Variants in CEP41 observed in about 807,000 individuals in gnomAD.
CEP41 encodes the protein centrosomal protein of 41 kDa.
In CEP41, 32 loss-of-function variants were observed where a neutral mutation model predicts 44.3. The observed-to-expected ratio is 0.72, with a 90% CI of 0.54 to 0.97. CEP41 has a LOEUF of 0.97. Among genes scored for constraint, CEP41 ranks in the 50% least tolerant of loss-of-function variants. CEP41 has a pLI of 0.00. For synonymous variants in CEP41, 151 were observed against 168.5 expected (o/e 0.90, Z 0.80); for missense variants, 432 against 455.2 (o/e 0.95, Z 0.46).
intron 2 of CEP41, chr7:130,419,337 C>A: frequency 2.0e-6 from 2 of 985,366 alleles, no homozygotes; most frequent in Non-Finnish European, 2.4e-6. Flanking sequence ...GGATGGCTGA[C>A]ACAAAAATAC....
At chr7:130,401,761 T>A in intron 8 of CEP41, 120 bp downstream of exon 8, 2 of 701,568 alleles carry the variant, frequency 2.9e-6, no homozygotes, top group Non-Finnish European at 5.2e-6. Flanking sequence ...TTCTAAAATA[T>A]GCTCAGCCAA....
intron 5 of CEP41, among the ~76,000 whole-genome samples, chr7:130,407,296 ACTCAGATC>A (rs1293628991): frequency 1.5e-5 from 2 of 132,790 alleles, no homozygotes; most frequent in African/African-American, 5.4e-5. Flanking sequence ...ACACACACAC[ACTCAGATC>A]CTTTTTTCCT....
At chr7:130,417,055 T>G (rs1797359234) in intron 2 of CEP41, 89 bp from the exon 3 acceptor site, 1 of 1,352,572 alleles carries the variant, frequency 7.4e-7, no homozygotes, top group Non-Finnish European at 1.0e-6. Flanking sequence ...AAGTATCCCC[T>G]AAGCTTTCCT....
intron 1 of CEP41, among the ~76,000 whole-genome samples, chr7:130,431,693 T>C (rs1797825160): frequency 6.6e-6 from 1 of 151,968 alleles, no homozygotes; most frequent in Non-Finnish European, 1.5e-5. Flanking sequence ...GGGAAAAGCA[T>C]GGAGAAAGAG....
rs376757542 is a variant in CEP41, at chr7:130,428,960, G to T, written c.34-942C>A. 2.2e-4 allele frequency among the ~76,000 whole-genome samples: 33 copies of T among 151,986 alleles called. No homozygotes were observed. In the East Asian group the frequency reaches 3.3e-3, roughly 15 times the overall value. ...AAATAAATAAATAATTTCTTACATT[G>T]AGCCCAAATCAGTCTTTCCAATTTT... On this transcript the variant is annotated intron_variant, in intron 1 of 10. Transcript: ENST00000223208.
intron 8 of CEP41, 33 bp downstream of exon 8, chr7:130,401,848 C>T: frequency 7.2e-7 from 1 of 1,394,892 alleles, no homozygotes; most frequent in Non-Finnish European, 1.0e-6. Flanking sequence ...AATCCTCATA[C>T]CACCCAATTC....
chr7:130,393,949 GAC>G lies in CEP41; in HGVS notation c.*4940_*4941del. On this transcript the variant is annotated 3_prime_UTR_variant, in exon 11 of 11. Transcript: ENST00000223208. ...CCTGGAGCACCTGTCTTCAAGATAA[GAC>G]AGCAGACACAGGCGGTGGAAATGTG... The G allele has an allele frequency of 2.2e-6, 1 of 454,042 alleles. No homozygotes were observed. The highest frequency in any genetic ancestry group is 4.4e-6 in the Non-Finnish European group (1 of 226,782). The allele number at this position is 454,042 out of a possible 1,614,324, so 28.1% of individuals were successfully genotyped here. A position where few individuals can be genotyped will look rare whatever the true frequency, so the allele number is the denominator to read the frequency against.
chr7:130,437,764 C>CAAAAAAAAAAAAAAAA (rs1171735164), intron 1 of CEP41, among the ~76,000 whole-genome samples: 140 of 32,176 alleles, frequency 4.4e-3, no homozygotes, highest in East Asian at 0.01. Flanking sequence ...AAGACTGTCT[C>CAAAAAAAAAAAAAAAA]AAAAAAAAAA....
At chr7:130,441,187 G>C (rs1351758376), upstream of CEP41, 1 of 690,952 alleles carries the variant, frequency 1.4e-6, no homozygotes, top group African/African-American at 1.8e-5. Context: ...GCGGGACGCC[G>C]GCTAGCGAGG....
intron 3 of CEP41, among the ~76,000 whole-genome samples, chr7:130,412,551 C>T (rs1201495205): frequency 2.0e-5 from 3 of 152,322 alleles, no homozygotes; most frequent in Middle Eastern, 3.4e-3. Context: ...ACTTCGACCA[C>T]ATTGTACTCC....
chr7:130,439,722 G>GA (rs1280427246), intron 1 of CEP41, among the ~76,000 whole-genome samples: 1 of 152,286 alleles, frequency 6.6e-6, no homozygotes, highest in African/African-American at 2.4e-5. Context: ...ACCAAGAGAT[G>GA]AAACAGTTAC....
intron 1 of CEP41, among the ~76,000 whole-genome samples, chr7:130,428,907 T>C (rs1305685799): frequency 6.7e-6 from 1 of 149,562 alleles, no homozygotes; most frequent in Non-Finnish European, 1.5e-5. Flanking sequence ...TGAGACTCTG[T>C]CTCAAAAAAA....
At chr7:130,400,303 A>T (rs1554416553) in intron 9 of CEP41, 49 bp from the exon 10 acceptor site, 1 of 1,351,166 alleles carries the variant, frequency 7.4e-7, no homozygotes, top group Non-Finnish European at 1.1e-6. Context: ...TGGCAAGGCC[A>T]GGCCAAAACC....
chr7:130,411,798 T>C (rs184530319), intron 4 of CEP41, among the ~76,000 whole-genome samples: 1 of 152,262 alleles, frequency 6.6e-6, no homozygotes, highest in East Asian at 1.9e-4. Flanking sequence ...GGCAGGATGA[T>C]TTGGAAAAGA....
In CEP41 at chr7:130,396,394, T is replaced by C. The variant is rs918636193; in HGVS notation, c.*2497A>G. 2.2e-6 allele frequency: 1 copy of C among 454,228 alleles called. No homozygotes were observed. Among genetic ancestry groups the C allele is most frequent in the Non-Finnish European group, 4.4e-6 (1 of 226,794 alleles). 28.1% of individuals were successfully genotyped at this position (454,228 alleles called of 1,614,324 possible). A position where few individuals can be genotyped will look rare whatever the true frequency, so the allele number is the denominator to read the frequency against. On this transcript the variant is annotated 3_prime_UTR_variant, in exon 11 of 11. Transcript: ENST00000223208. ...TGCCCTAATTGGACTGATTTCCTGA[T>C]TCATTTATTTTTTTTAAAAAATGCT...
intron 2 of CEP41, among the ~76,000 whole-genome samples, chr7:130,427,273 GA>G (rs1297945522): frequency 6.6e-6 from 1 of 151,412 alleles, no homozygotes; most frequent in Admixed American, 6.6e-5. Flanking sequence ...TTAAAAGGTT[GA>G]AAAAAAACAA....
At chr7:130,415,447 C>T (rs781923084) in intron 3 of CEP41, among the ~76,000 whole-genome samples, 4 of 152,202 alleles carry the variant, frequency 2.6e-5, no homozygotes, top group East Asian at 1.9e-4. Context: ...AATGGGGTAA[C>T]AGGAATCTCC....
At chr7:130,404,492 A>AG (rs1321103518) in intron 6 of CEP41, 72 bp downstream of exon 6, 15 of 1,275,622 alleles carry the variant, frequency 1.2e-5, no homozygotes, top group Non-Finnish European at 1.7e-5. Context: ...GAAAAAAAAA[A>AG]GATCCCTGAA....
intron 2 of CEP41, among the ~76,000 whole-genome samples, chr7:130,425,127 C>T (rs1797622736): frequency 6.6e-6 from 1 of 152,078 alleles, no homozygotes. Context: ...CAGGAAAATG[C>T]AAATTAAAAC....
Sources: allele counts gnomAD v4.1 joint callset (sites outside exome capture counted in the v4.1 genomes callset), GRCh38; gene constraint gnomAD v4.1.1; transcripts MANE v1.5; gene names NCBI Gene and HGNC (gene_info 2026-07-23, HGNC 2026-07-21).